CHD9: variants seen among roughly 807,000 people sequenced by gnomAD.
CHD9 encodes chromodomain helicase DNA binding protein 9.
Under a neutral mutation model 316.1 loss-of-function variants are expected in CHD9, and 77 were observed. The ratio of observed to expected loss-of-function variants is 0.24; its 90% CI spans 0.20 to 0.29. The LOEUF is 0.29. Ranked by LOEUF, CHD9 falls within the 10% of genes least tolerant of loss-of-function variation. CHD9 has a pLI of 1.00. For synonymous variants in CHD9, 1,129 were observed against 1,158.3 expected, an observed-to-expected ratio of 0.97 and a Z score of 0.51; for missense variants, 2,763 against 3,438.1, an observed-to-expected ratio of 0.80 and a Z score of 4.91.
chr16:53,290,909 C>T (rs2054279235), intron 27 of CHD9, among the ~76,000 whole-genome samples: 1 of 152,072 alleles, frequency 6.6e-6, no homozygotes, highest in Admixed American at 6.6e-5. Context: ...TGGCATGTAT[C>T]GAGTAGGTAT....
At chr16:53,280,291 G>A (rs868609317) in intron 24 of CHD9, among the ~76,000 whole-genome samples, 5 of 151,678 alleles carry the variant, frequency 3.3e-5, no homozygotes, top group South Asian at 2.1e-4. Flanking sequence ...ATCAATCAAC[G>A]AATGGATAAA....
At position 53,245,783 on chromosome 16, in the gene CHD9, T is replaced by C. The variant is rs2049531157; in HGVS notation, c.3387T>C (p.Asn1129=). The change falls in exon 15 of 39, where the codon AAT becomes AAC. Residue 1129 remains asparagine (N), a synonymous_variant. Coordinates refer to ENST00000447540, the MANE Select transcript of CHD9 (RefSeq NM_001308319.2). This position sits in a 1 kb window ranked among gnomAD's most constrained non-coding sequence, Gnocchi z 4.1. ...SFLSKGAGQT[N]VPNLVNTMME... ...TATCCAAAGGAGCAGGACAAACTAA[T>C]GTACCTAACTTGGTCAATACCATGA... is the stretch of plus-strand genomic sequence containing the variant. 1.2e-6 allele frequency: 2 copies of C among 1,602,258 alleles called. No homozygotes were observed. Among genetic ancestry groups the C allele is most frequent in the Non-Finnish European group, 1.7e-6 (2 of 1,175,278 alleles).
chr16:53,238,809 C>G (rs541201572), intron 12 of CHD9, among the ~76,000 whole-genome samples: 1 of 152,218 alleles, frequency 6.6e-6, no homozygotes, highest in African/African-American at 2.4e-5. Context: ...ATGAAGTATG[C>G]AGATTTAAAC....
intron 2 of CHD9, among the ~76,000 whole-genome samples, chr16:53,170,874 A>G (rs935998819): frequency 6.6e-6 from 1 of 152,134 alleles, no homozygotes; most frequent in Non-Finnish European, 1.5e-5. Context: ...TTGAACACTT[A>G]TCATAAATAA....
chr16:53,129,033 A>G (rs992033301), intron 1 of CHD9, among the ~76,000 whole-genome samples: 4 of 152,198 alleles, frequency 2.6e-5, no homozygotes, highest in Admixed American at 1.3e-4. Context: ...CACAAAAACC[A>G]GCATCCTAGA....
chr16:53,187,855 A>G (rs2044161588), intron 2 of CHD9, among the ~76,000 whole-genome samples: 1 of 152,236 alleles, frequency 6.6e-6, no homozygotes, highest in Non-Finnish European at 1.5e-5. Flanking sequence ...TATCAGCTAT[A>G]GTCTACTGTT....
chr16:53,208,437 C>T, intron 2 of CHD9: 6 of 1,220,378 alleles, frequency 4.9e-6, no homozygotes, highest in Non-Finnish European at 6.3e-6. Context: ...TTACTGGCTG[C>T]TGCTACGGGA....
intron 1 of CHD9, among the ~76,000 whole-genome samples, chr16:53,112,177 A>G (rs2037918662): frequency 6.6e-6 from 1 of 152,184 alleles, no homozygotes; most frequent in African/African-American, 2.4e-5. Context: ...TCAACTTTCA[A>G]CTTTCCAGAT....
intron 3 of CHD9, among the ~76,000 whole-genome samples, chr16:53,212,912 T>C (rs563143169): frequency 6.6e-6 from 1 of 152,346 alleles, no homozygotes; most frequent in South Asian, 2.1e-4. Flanking sequence ...ATCTGGAATA[T>C]GCTTAGTGTT....
At chr16:53,237,202 C>T (rs1270542309) in intron 11 of CHD9, among the ~76,000 whole-genome samples, 1 of 152,172 alleles carries the variant, frequency 6.6e-6, no homozygotes, top group African/African-American at 2.4e-5. Context: ...CTGGCTTCAC[C>T]CTACACCCCA....
intron 31 of CHD9, 122 bp downstream of exon 31, chr16:53,304,747 T>A: frequency 1.2e-6 from 1 of 842,946 alleles, no homozygotes; most frequent in Admixed American, 3.2e-5. Flanking sequence ...CAGGCTGGAG[T>A]GCAATGGCGC....
chr16:53,321,408 A>C, intron 37 of CHD9, 118 bp from the exon 38 acceptor site: 1 of 1,394,178 alleles, frequency 7.2e-7, no homozygotes, highest in Non-Finnish European at 9.3e-7. Context: ...AAGATTACCT[A>C]AGGTGGTTCA....
chr16:53,078,861 G>C (rs148776528), intron 1 of CHD9, among the ~76,000 whole-genome samples: 23 of 152,270 alleles, frequency 1.5e-4, no homozygotes, highest in African/African-American at 4.8e-4. Flanking sequence ...CCAATTCAGA[G>C]AAAAGCAAGA....
rs2054027667 is a variant in CHD9 at position 53,287,992 on chromosome 16, C to T, written c.5225C>T (p.Ala1742Val). 1.2e-6 allele frequency: 2 copies of T among 1,610,658 alleles called. No homozygotes were observed. The highest frequency in any genetic ancestry group is 1.7e-6 in the Non-Finnish European group (2 of 1,176,902). Residue 1742 changes from alanine (A) to valine (V), a missense_variant, in exon 27 of 39, where the codon GCC becomes GTC. Physicochemically the swap from Ala to Val is moderately conservative, Grantham distance 64. Transcript: ENST00000447540. ...VEDPEYKPAPAIFKDDIEDDV... is the reference protein window; with the variant it reads ...VEDPEYKPAPVIFKDDIEDDV... ...GATCCAGAATACAAACCTGCCCCAGCCATCTTTAAAGATGATATAGAGGTA... is the reference window on the plus strand; with the variant it reads ...GATCCAGAATACAAACCTGCCCCAGTCATCTTTAAAGATGATATAGAGGTA...
chr16:53,084,737 G>A (rs780538807), intron 1 of CHD9, among the ~76,000 whole-genome samples: 14 of 152,144 alleles, frequency 9.2e-5, no homozygotes, highest in Admixed American at 3.9e-4. Flanking sequence ...GTGAGACTTC[G>A]TCTCAAAACA....
intron 1 of CHD9, among the ~76,000 whole-genome samples, chr16:53,132,793 C>CCTTTTT (rs2039421295): frequency 2.9e-5 from 2 of 68,506 alleles, no homozygotes; most frequent in African/African-American, 5.2e-5. Context: ...TCTAATTCTG[C>CCTTTTT]TTTTTTTTTT....
chr16:53,205,477 T>C (rs2152860135), intron 2 of CHD9, among the ~76,000 whole-genome samples: 1 of 152,044 alleles, frequency 6.6e-6, no homozygotes, highest in South Asian at 2.1e-4. Context: ...GCTTAGATGG[T>C]GGGGGGAAGG....
At chr16:53,101,974 T>C (rs1268391248) in intron 1 of CHD9, among the ~76,000 whole-genome samples, 1 of 152,098 alleles carries the variant, frequency 6.6e-6, no homozygotes, top group Admixed American at 6.6e-5. Context: ...GAATGGGTCG[T>C]AGGAAAAAAG....
intron 1 of CHD9, among the ~76,000 whole-genome samples, chr16:53,131,628 C>T (rs1457292571): frequency 6.6e-6 from 1 of 151,896 alleles, no homozygotes; most frequent in Non-Finnish European, 1.5e-5. Flanking sequence ...AAGGCGGGCC[C>T]TCTTCCCCGT....
Sources: allele counts gnomAD v4.1 joint callset (sites outside exome capture counted in the v4.1 genomes callset), GRCh38; gene constraint gnomAD v4.1.1; non-coding constraint Gnocchi (gnomAD v3.1); transcripts MANE v1.5; gene names NCBI Gene and HGNC (gene_info 2026-07-23, HGNC 2026-07-21).